The following CSN2 variants were observed in gnomAD, a reference collection of about 807,000 sequenced individuals.
CSN2 encodes casein beta, also known as beta-casein.
Under a neutral mutation model 27.3 loss-of-function variants are expected in CSN2, and 27 were observed. The observed-to-expected ratio is 0.99, with a 90% CI of 0.73 to 1.36. CSN2 has a LOEUF of 1.36. CSN2 is among the 40% of genes most tolerant of loss of function. The pLI is 0.00. For missense variants in CSN2, 333 were observed against 264.5 expected, an observed-to-expected ratio of 1.26 and a Z score of -1.80; for synonymous variants, 131 against 94.8, an observed-to-expected ratio of 1.38 and a Z score of -2.22.
At chr4:69,959,354 G>T (rs1342900624) in intron 3 of CSN2, among the ~76,000 whole-genome samples, 2 of 151,904 alleles carry the variant, frequency 1.3e-5, no homozygotes, top group African/African-American at 4.8e-5. Flanking sequence ...AACCCCATCT[G>T]ATTTTTAAAA....
chr4:69,957,592 T>G lies in CSN2; in HGVS notation c.357A>C (p.Lys119Asn). 1 of 1,613,916 alleles carries G rather than the reference T, an allele frequency of 6.2e-7. No homozygotes were observed. The highest frequency in any genetic ancestry group is 8.5e-7 in the Non-Finnish European group (1 of 1,179,980). The part of the protein sequence containing the change: ...YTKGRVMPVL[K>N]SPTIPFFDPQ... ...GGTCAAAAAAGGGTATCGTTGGAGA[T>G]TTAAGGACAGGCATCACTCTGCCCT... Residue 119 changes from lysine (K) to asparagine (N), a missense_variant, in exon 6 of 8, where the codon AAA becomes AAC. Coordinates refer to ENST00000353151, the MANE Select transcript of CSN2 (RefSeq NM_001891.4).
chr4:69,964,233 C>G (rs183414462), intron 1 of CSN2, among the ~76,000 whole-genome samples: 1 of 152,084 alleles, frequency 6.6e-6, no homozygotes, highest in East Asian at 1.9e-4. Context: ...CTTGATGATC[C>G]GCCAAGGGGT....
At chr4:69,961,183 G>A (rs1184075586) in intron 1 of CSN2, among the ~76,000 whole-genome samples, 176 bp from the exon 2 acceptor site, 1 of 151,984 alleles carries the variant, frequency 6.6e-6, no homozygotes, top group African/African-American at 2.4e-5. Context: ...TCACATGAAG[G>A]AGGTCAAAAT....
In CSN2 at chr4:69,961,067, G is replaced by C. The variant is rs942736502; in HGVS notation, c.-12-60C>G. The C allele has an allele frequency of 2.6e-6, 3 of 1,154,570 alleles. No homozygotes were observed. In the African/African-American group the frequency reaches 4.6e-5, roughly 18 times the overall value. The allele number at this position is 1,154,570 out of a possible 1,614,324, so 71.5% of individuals were successfully genotyped here. A position where few individuals can be genotyped will look rare whatever the true frequency, so the allele number is the denominator to read the frequency against. On this transcript the variant is annotated intron_variant, in intron 1 of 7. Coordinates refer to ENST00000353151, the MANE Select transcript of CSN2 (RefSeq NM_001891.4). ...TGGTCAATTGGATATACTTTCTTATGTAGGTAAGGTTACTTTTTATAAAAC... is the reference window on the plus strand; with the variant it reads ...TGGTCAATTGGATATACTTTCTTATCTAGGTAAGGTTACTTTTTATAAAAC...
At position 69,955,491 on chromosome 4, in the gene CSN2, A is replaced by C. The variant is rs1723369209; in HGVS notation, c.*138T>G. On this transcript the variant is annotated 3_prime_UTR_variant, in exon 8 of 8. Coordinates refer to ENST00000353151, the MANE Select transcript of CSN2 (RefSeq NM_001891.4). ...CATAATATATAAAATAAATAAAGGG[A>C]CAAAGTTCATTTTTTCCATATAAAC... The C allele has an allele frequency of 6.6e-6, 1 of 152,494 alleles. No individual in the cohort carries two copies. The highest frequency in any genetic ancestry group is 1.5e-5 in the Non-Finnish European group (1 of 67,960). 9.4% of individuals were successfully genotyped at this position (152,494 alleles called of 1,614,324 possible). A position where few individuals can be genotyped will look rare whatever the true frequency, so the allele number is the denominator to read the frequency against.
chr4:69,956,198 A>T (rs1269873902), intron 7 of CSN2, 116 bp downstream of exon 7: 1 of 602,362 alleles, frequency 1.7e-6, no homozygotes. Flanking sequence ...AATTAATAAA[A>T]AAAGTTCTTG....
chr4:69,963,986 T>C (rs1031128704), intron 1 of CSN2, among the ~76,000 whole-genome samples: 12 of 146,010 alleles, frequency 8.2e-5, no homozygotes, highest in African/African-American at 3.4e-4. Context: ...ACGGTTACCA[T>C]GACTATTTTA....
At chr4:69,961,082 T>A (rs1723563940) in intron 1 of CSN2, 75 bp from the exon 2 acceptor site, 1 of 988,436 alleles carries the variant, frequency 1.0e-6, no homozygotes. Flanking sequence ...TAAGGTTACT[T>A]TTTATAAAAC....
chr4:69,959,114 C>A, intron 3 of CSN2, 45 bp from the exon 4 acceptor site: 1 of 1,188,588 alleles, frequency 8.4e-7, no homozygotes, highest in Non-Finnish European at 1.2e-6. Flanking sequence ...TTTAACAATT[C>A]TTACTTTGCA....
intron 1 of CSN2, among the ~76,000 whole-genome samples, chr4:69,962,350 T>A (rs991224336): frequency 3.3e-5 from 5 of 152,082 alleles, no homozygotes; most frequent in African/African-American, 7.2e-5. Flanking sequence ...AAGGCTACAG[T>A]AACCAAAACA....
intron 5 of CSN2, 67 bp from the exon 6 acceptor site, chr4:69,957,871 A>G: frequency 7.5e-7 from 1 of 1,330,362 alleles, no homozygotes; most frequent in Non-Finnish European, 1.0e-6. Context: ...TAATGAATTC[A>G]TTTCTCTCTT....
intron 1 of CSN2, among the ~76,000 whole-genome samples, chr4:69,963,589 G>C (rs1455908411): frequency 6.6e-6 from 1 of 152,044 alleles, no homozygotes; most frequent in Non-Finnish European, 1.5e-5. Flanking sequence ...GCTGTTGTGG[G>C]GTGGGGGGAG....
intron 1 of CSN2, among the ~76,000 whole-genome samples, chr4:69,965,384 T>C (rs1333721503): frequency 1.4e-5 from 2 of 140,526 alleles, no homozygotes; most frequent in Admixed American, 1.5e-4. Context: ...CTCCTTTTAA[T>C]ATTAACTATG....
chr4:69,962,871 A>G, intron 1 of CSN2, among the ~76,000 whole-genome samples: 1 of 152,148 alleles, frequency 6.6e-6, no homozygotes, highest in Admixed American at 6.6e-5. Flanking sequence ...TCTACAATGA[A>G]CTCCAACAAA....
intron 1 of CSN2, 41 bp from the exon 2 acceptor site, chr4:69,961,048 A>G: frequency 7.0e-7 from 1 of 1,425,862 alleles, no homozygotes. Context: ...AGATTGGTCA[A>G]TTGGATATAC....
chr4:69,962,005 C>T (rs1045546689), intron 1 of CSN2, among the ~76,000 whole-genome samples: 1 of 151,998 alleles, frequency 6.6e-6, no homozygotes, highest in African/African-American at 2.4e-5. Flanking sequence ...AGAATAAAAT[C>T]CCTAGGAATC....
chr4:69,960,857 T>C, intron 2 of CSN2, 88 bp downstream of exon 2: 1 of 1,027,956 alleles, frequency 9.7e-7, no homozygotes, highest in Non-Finnish European at 1.5e-6. Context: ...ATTTATACAG[T>C]AAAAAATGTT....
intron 3 of CSN2, among the ~76,000 whole-genome samples, 176 bp from the exon 4 acceptor site, chr4:69,959,245 G>A (rs1723495385): frequency 6.6e-6 from 1 of 151,846 alleles, no homozygotes; most frequent in East Asian, 1.9e-4. Flanking sequence ...AAAGTCAGAT[G>A]AATGCAGTCA....
At chr4:69,961,065 A>G in intron 1 of CSN2, 58 bp from the exon 2 acceptor site, 1 of 1,218,814 alleles carries the variant, frequency 8.2e-7, no homozygotes, top group South Asian at 1.3e-5. Context: ...ATACTTTCTT[A>G]TGTAGGTAAG....
Sources: gnomAD v4.1 joint callset for allele counts (sites outside exome capture counted in the v4.1 genomes callset) on GRCh38, gnomAD v4.1.1 for gene constraint, MANE v1.5 for transcripts, NCBI Gene and HGNC (gene_info 2026-07-23, HGNC 2026-07-21) for gene names.